Variants in GALNTL6 observed in about 807,000 individuals in gnomAD.
The protein encoded by GALNTL6 is polypeptide N-acetylgalactosaminyltransferase like 6.
GALNTL6 carries 46 observed loss-of-function variants against 73.7 expected under a neutral mutation model. The observed-to-expected ratio is 0.62, with a 90% CI of 0.49 to 0.80. The LOEUF (loss-of-function observed/expected upper bound fraction) is 0.80, where lower values mean the gene tolerates loss of function less well. Among genes scored for constraint, GALNTL6 ranks in the 30% least tolerant of loss-of-function variants. GALNTL6 has a pLI of 0.00. For synonymous variants in GALNTL6, 259 were observed against 263.7 expected (o/e 0.98, Z 0.17); for missense variants, 604 against 755.0 (o/e 0.80, Z 2.34).
chr4:172,661,212 A>T (rs1731350422), intron 5 of GALNTL6, among the ~76,000 whole-genome samples: 2 of 152,134 alleles, frequency 1.3e-5, no homozygotes, highest in African/African-American at 4.8e-5. Flanking sequence ...AATAAAACAA[A>T]ACTGACCTCC....
At chr4:172,903,168 A>G (rs1016065492) in intron 8 of GALNTL6, among the ~76,000 whole-genome samples, 5 of 149,924 alleles carry the variant, frequency 3.3e-5, no homozygotes, top group African/African-American at 1.3e-4. Context: ...ATATTGAATC[A>G]TAAACCATGA....
At chr4:172,789,933 C>T (rs974374642) in intron 5 of GALNTL6, among the ~76,000 whole-genome samples, 7 of 152,210 alleles carry the variant, frequency 4.6e-5, no homozygotes, top group African/African-American at 1.7e-4. Context: ...CAAAAACCAC[C>T]ATGTATCATA....
At chr4:172,126,116 T>G (rs1733286972) in intron 2 of GALNTL6, among the ~76,000 whole-genome samples, 1 of 152,134 alleles carries the variant, frequency 6.6e-6, no homozygotes, top group Non-Finnish European at 1.5e-5. Flanking sequence ...ATAAGAACCA[T>G]TTTATAATTT....
At chr4:172,658,755 T>C (rs1188713187) in intron 5 of GALNTL6, among the ~76,000 whole-genome samples, 1 of 152,186 alleles carries the variant, frequency 6.6e-6, no homozygotes, top group Non-Finnish European at 1.5e-5. Context: ...GATTTAAAGT[T>C]CTGAAAATCA....
At chr4:172,550,519 A>G (rs1172696571) in intron 5 of GALNTL6, among the ~76,000 whole-genome samples, 2 of 152,182 alleles carry the variant, frequency 1.3e-5, no homozygotes, top group African/African-American at 4.8e-5. Context: ...TCTTTTTACC[A>G]TTGATGTGAA....
At chr4:172,521,326 G>A (rs1157542685) in intron 5 of GALNTL6, among the ~76,000 whole-genome samples, 2 of 152,066 alleles carry the variant, frequency 1.3e-5, no homozygotes, top group East Asian at 3.9e-4. Context: ...TCTGACAGTT[G>A]GTATAAAACA....
chr4:172,710,935 T>C (rs1172449359), intron 5 of GALNTL6, among the ~76,000 whole-genome samples: 1 of 152,162 alleles, frequency 6.6e-6, no homozygotes, highest in East Asian at 1.9e-4. Flanking sequence ...GCTCCCATTG[T>C]ATGCCAGGCA....
intron 5 of GALNTL6, among the ~76,000 whole-genome samples, chr4:172,675,105 T>C (rs1732206911): frequency 1.3e-5 from 2 of 152,214 alleles, no homozygotes; most frequent in African/African-American, 4.8e-5. Context: ...TGTGGGCTTA[T>C]CTACCTTCAA....
chr4:172,562,327 C>T (rs1736403656), intron 5 of GALNTL6, among the ~76,000 whole-genome samples: 1 of 152,284 alleles, frequency 6.6e-6, no homozygotes, highest in African/African-American at 2.4e-5. Flanking sequence ...GAAGCCATTA[C>T]CATTCAGCAA....
At chr4:172,866,099 T>C (rs2111150535) in intron 7 of GALNTL6, among the ~76,000 whole-genome samples, 1 of 152,318 alleles carries the variant, frequency 6.6e-6, no homozygotes, top group Middle Eastern at 3.4e-3. Flanking sequence ...CCTTCCCACT[T>C]GGATGCCTGT....
intron 2 of GALNTL6, among the ~76,000 whole-genome samples, chr4:172,096,643 A>T (rs987043463): frequency 6.6e-6 from 1 of 151,852 alleles, no homozygotes; most frequent in Non-Finnish European, 1.5e-5. Flanking sequence ...CAAATAATTA[A>T]TTTTTTTCTT....
chr4:171,867,444 AT>A (rs1735999962), intron 2 of GALNTL6, among the ~76,000 whole-genome samples: 1 of 152,204 alleles, frequency 6.6e-6, no homozygotes, highest in African/African-American at 2.4e-5. Context: ...GTCACCAGCG[AT>A]TTGTCTTTGC....
chr4:172,118,812 T>C (rs1053432219), intron 2 of GALNTL6, among the ~76,000 whole-genome samples: 1 of 151,916 alleles, frequency 6.6e-6, no homozygotes, highest in Non-Finnish European at 1.5e-5. Context: ...ATTTGTAAAT[T>C]TCTAATAAGC....
In GALNTL6 at chr4:172,481,189, G is replaced by A. The variant is rs187118585; in HGVS notation, c.553+132500G>A. ...CAGGAGTGAAGCTGCAGACCTTCAC[G>A]ATGAGTGTTACAGCTCTTAAGGCAG... On this transcript the variant is annotated intron_variant, in intron 5 of 12. Transcript: ENST00000506823. Among the ~76,000 whole-genome samples, 401 of 152,108 alleles carry A rather than the reference G, an allele frequency of 2.6e-3. 3 individuals carry two copies. The highest frequency in any genetic ancestry group is 8.7e-3 in the African/African-American group (361 of 41,500).
rs533110943 is a variant in GALNTL6, at chr4:172,212,166, CT to C, written c.139-17480del. ...ATTCCCTGACCTCCTTAATAATTAG[CT>C]TTTTTTTTTCTTTTGACCAAGACTC... is the stretch of plus-strand genomic sequence containing the variant. On this transcript the variant is annotated intron_variant, in intron 2 of 12. Transcript: ENST00000506823. Among the ~76,000 whole-genome samples, 136 of 149,224 alleles carry C rather than the reference CT, an allele frequency of 9.1e-4. 1 individual carries two copies. The highest frequency in any genetic ancestry group is 7.7e-3 in the East Asian group (39 of 5,088).
At chr4:171,938,019 C>A (rs1370763245) in intron 2 of GALNTL6, among the ~76,000 whole-genome samples, 1 of 152,076 alleles carries the variant, frequency 6.6e-6, no homozygotes. Flanking sequence ...TGTGTATAAA[C>A]CTAGTTATTT....
intron 5 of GALNTL6, among the ~76,000 whole-genome samples, chr4:172,385,855 C>T (rs1010512261): frequency 2.3e-4 from 35 of 151,534 alleles, no homozygotes; most frequent in Admixed American, 1.9e-3. Flanking sequence ...GTTTTTTCTT[C>T]GGTTACATAT....
At chr4:172,726,427 T>G (rs1033074448) in intron 5 of GALNTL6, among the ~76,000 whole-genome samples, 1 of 152,166 alleles carries the variant, frequency 6.6e-6, no homozygotes, top group African/African-American at 2.4e-5. Flanking sequence ...CCTTTGTACT[T>G]GCACCCTAAT....
At chr4:172,319,696 G>A (rs1423366113) in intron 4 of GALNTL6, among the ~76,000 whole-genome samples, 2 of 152,280 alleles carry the variant, frequency 1.3e-5, no homozygotes, top group East Asian at 3.9e-4. Flanking sequence ...TATTAAGCAT[G>A]TGAGTGACAG....
Sources: allele counts gnomAD v4.1 joint callset (sites outside exome capture counted in the v4.1 genomes callset), GRCh38; gene constraint gnomAD v4.1.1; transcripts MANE v1.5; gene names NCBI Gene and HGNC (gene_info 2026-07-23, HGNC 2026-07-21).